Variants in GPR141 observed in about 807,000 individuals in gnomAD.
GPR141 encodes the protein G protein-coupled receptor 141.
A neutral mutation model predicts 6.8 loss-of-function variants in GPR141; 6 were observed. The observed-to-expected ratio is 0.88, with a 90% CI of 0.48 to 1.74. The LOEUF (loss-of-function observed/expected upper bound fraction) is 1.74. Ranked by LOEUF, GPR141 falls within the 40% of genes most tolerant of loss-of-function variation. The pLI is 0.01. For synonymous variants in GPR141, 140 were observed against 142.3 expected (o/e 0.98, Z 0.11); for missense variants, 372 against 372.9 (o/e 1.00, Z 0.02).
intron 2 of GPR141, among the ~76,000 whole-genome samples, chr7:37,702,151 C>G (rs1048853793): frequency 1.3e-5 from 2 of 152,104 alleles, no homozygotes; most frequent in African/African-American, 4.8e-5. Flanking sequence ...TAATGGCCTT[C>G]TAAGTAATTT....
chr7:37,719,443 G>A (rs1811209411), intron 2 of GPR141, among the ~76,000 whole-genome samples: 1 of 152,210 alleles, frequency 6.6e-6, no homozygotes, highest in Admixed American at 6.5e-5. Flanking sequence ...ATCCAGCATT[G>A]ATGGTTAGTA....
In GPR141 at chr7:37,742,959, A is replaced by G. The variant is rs1018863264; in HGVS notation, c.*1648A>G. On this transcript the variant is annotated 3_prime_UTR_variant, in exon 3 of 3. Transcript: ENST00000334425. ...TTGTGGCATGTGGCACGTTAAACTGATTTTATTTCAAGAACTTCTGTTACT... is the reference window on the plus strand; with the variant it reads ...TTGTGGCATGTGGCACGTTAAACTGGTTTTATTTCAAGAACTTCTGTTACT... 6.6e-6 allele frequency among the ~76,000 whole-genome samples: 1 copy of G among 152,126 alleles called. No homozygotes were observed. The highest frequency in any genetic ancestry group is 1.5e-5 in the Non-Finnish European group (1 of 68,008).
chr7:37,743,727 A>G lies in GPR141; in HGVS notation c.*2416A>G, dbSNP rs2131881569. 6.6e-6 allele frequency among the ~76,000 whole-genome samples: 1 copy of G among 152,266 alleles called. No homozygotes were observed. The highest frequency in any genetic ancestry group is 2.4e-5 in the African/African-American group (1 of 41,580). ...ACATAACACTATGTTATTTTCATATATTATAATAACAGGCTTATTAGAAAT... is the reference window on the plus strand; with the variant it reads ...ACATAACACTATGTTATTTTCATATGTTATAATAACAGGCTTATTAGAAAT... On this transcript the variant is annotated 3_prime_UTR_variant, in exon 3 of 3. Transcript: ENST00000334425.
intron 2 of GPR141, among the ~76,000 whole-genome samples, chr7:37,708,894 T>C (rs1252359547): frequency 6.6e-6 from 1 of 152,222 alleles, no homozygotes; most frequent in Non-Finnish European, 1.5e-5. Flanking sequence ...GAACTGCGTA[T>C]GTAAAGGCTT....
chr7:37,696,825 C>G (rs1016441984), intron 2 of GPR141, among the ~76,000 whole-genome samples: 1 of 151,972 alleles, frequency 6.6e-6, no homozygotes, highest in Non-Finnish European at 1.5e-5. Context: ...TTGATGCCTA[C>G]TCTCTCTCTC....
intron 2 of GPR141, among the ~76,000 whole-genome samples, chr7:37,723,500 C>G (rs570371144): frequency 6.6e-6 from 1 of 151,924 alleles, no homozygotes; most frequent in East Asian, 1.9e-4. Context: ...AGGGAGGAAA[C>G]TATGATACTG....
At chr7:37,714,422 G>A (rs563915949) in intron 2 of GPR141, among the ~76,000 whole-genome samples, 1 of 152,252 alleles carries the variant, frequency 6.6e-6, no homozygotes, top group East Asian at 1.9e-4. Flanking sequence ...ATAATAGCAT[G>A]GGTGTTCTTC....
chr7:37,717,745 G>T (rs1442116532), intron 2 of GPR141, among the ~76,000 whole-genome samples: 1 of 152,126 alleles, frequency 6.6e-6, no homozygotes, highest in African/African-American at 2.4e-5. Flanking sequence ...TCTACAACAT[G>T]CATCTGTCTC....
chr7:37,692,002 C>CT (rs977919725), intron 2 of GPR141, among the ~76,000 whole-genome samples: 3 of 151,892 alleles, frequency 2.0e-5, no homozygotes, highest in African/African-American at 4.8e-5. Context: ...GTTTTTCTTT[C>CT]TTTTTTTATT....
At chr7:37,715,688 G>A (rs2131800649) in intron 2 of GPR141, among the ~76,000 whole-genome samples, 1 of 152,226 alleles carries the variant, frequency 6.6e-6, no homozygotes, top group Admixed American at 6.5e-5. Context: ...AGGAAATTTT[G>A]TTTGTTTCCT....
intron 2 of GPR141, among the ~76,000 whole-genome samples, chr7:37,720,507 C>T (rs773605670): frequency 7.9e-5 from 12 of 152,050 alleles, no homozygotes; most frequent in South Asian, 2.1e-4. Context: ...TTTGGGAGGC[C>T]GAAGCAGATG....
Position 37,743,481 on chromosome 7 carries a change from C to A in GPR141, c.*2170C>A, listed in dbSNP as rs1259552604. On this transcript the variant is annotated 3_prime_UTR_variant, in exon 3 of 3. Transcript: ENST00000334425. ...ACATTTTTTCTTTCTCATTTTGAACCATAAAATTTGTAAGACCGTTACTAA... is the reference window on the plus strand; with the variant it reads ...ACATTTTTTCTTTCTCATTTTGAACAATAAAATTTGTAAGACCGTTACTAA... 6.6e-6 allele frequency among the ~76,000 whole-genome samples: 1 copy of A among 151,082 alleles called. No individual in the cohort carries two copies. Among genetic ancestry groups the A allele is most frequent in the East Asian group, 1.9e-4 (1 of 5,176 alleles).
At chr7:37,730,510 T>A (rs1481469193) in intron 2 of GPR141, among the ~76,000 whole-genome samples, 1 of 152,226 alleles carries the variant, frequency 6.6e-6, no homozygotes, top group Non-Finnish European at 1.5e-5. Context: ...GCTTTTCGTT[T>A]GATCAGAGAC....
chr7:37,720,700 C>T (rs1811279518), intron 2 of GPR141, among the ~76,000 whole-genome samples: 1 of 146,682 alleles, frequency 6.8e-6, no homozygotes, highest in Non-Finnish European at 1.5e-5. Context: ...GAGATTGCGC[C>T]ACTGCACTCC....
intron 1 of GPR141, among the ~76,000 whole-genome samples, chr7:37,684,939 A>G (rs1424198612): frequency 6.6e-6 from 1 of 152,234 alleles, no homozygotes; most frequent in Non-Finnish European, 1.5e-5. Flanking sequence ...AATTGGCTGC[A>G]TAATTTGGGG....
At chr7:37,736,284 A>AG (rs1422567433) in intron 2 of GPR141, among the ~76,000 whole-genome samples, 1 of 152,088 alleles carries the variant, frequency 6.6e-6, no homozygotes, top group Non-Finnish European at 1.5e-5. Flanking sequence ...GAAAAAGGGA[A>AG]GAAGAGATGG....
At chr7:37,739,696 C>T (rs992097521) in intron 2 of GPR141, among the ~76,000 whole-genome samples, 3 of 152,028 alleles carry the variant, frequency 2.0e-5, no homozygotes, top group Non-Finnish European at 4.4e-5. Flanking sequence ...GGCTCTGTCA[C>T]GAATTTGCAA....
chr7:37,686,335 A>G (rs528857073), intron 2 of GPR141, among the ~76,000 whole-genome samples: 2 of 152,236 alleles, frequency 1.3e-5, no homozygotes, highest in South Asian at 2.1e-4. Context: ...ATTGAAAACA[A>G]TTTTCAATTG....
intron 2 of GPR141, among the ~76,000 whole-genome samples, chr7:37,738,864 T>C (rs1025163082): frequency 3.3e-5 from 5 of 152,314 alleles, no homozygotes; most frequent in South Asian, 2.1e-4. Flanking sequence ...AAAGATATCA[T>C]ACAATATATA....
Sources: gnomAD v4.1 joint callset for allele counts (sites outside exome capture counted in the v4.1 genomes callset) on GRCh38, gnomAD v4.1.1 for gene constraint, MANE v1.5 for transcripts, NCBI Gene and HGNC (gene_info 2026-07-23, HGNC 2026-07-21) for gene names.